The following RIPPLY1 variants were observed in gnomAD, a reference collection of about 807,000 sequenced individuals.
RIPPLY1 encodes protein ripply1.
Under a neutral mutation model 8.7 loss-of-function variants are expected in RIPPLY1, and 10 were observed. That is an observed-to-expected ratio of 1.15 (90% CI 0.71 to 1.94). The LOEUF (loss-of-function observed/expected upper bound fraction) is 1.94, where lower values mean the gene tolerates loss of function less well. Among genes scored for constraint, RIPPLY1 ranks in the 30% most tolerant of loss-of-function variants. RIPPLY1 has a pLI of 0.00. For synonymous variants in RIPPLY1, 54 were observed against 44.8 expected, an observed-to-expected ratio of 1.20 and a Z score of -0.82; for missense variants, 118 against 108.7, an observed-to-expected ratio of 1.09 and a Z score of -0.38.
At position 106,901,550 on chromosome X, in the gene RIPPLY1, A is replaced by G. The variant is rs751427848; in HGVS notation, c.232-12T>C. ...GCCCCACCAGCAGCCTGTCCAAAGC[A>G]AAAGCTAGCATGTGGCTCAAAGTAC... On this transcript the variant is annotated splice_polypyrimidine_tract_variant and intron_variant, in intron 2 of 3. Coordinates refer to ENST00000276173, the MANE Select transcript of RIPPLY1 (RefSeq NM_138382.3). 2 of 1,209,457 alleles carry G rather than the reference A, an allele frequency of 1.7e-6. No individual in the cohort carries two copies. The highest frequency in any genetic ancestry group is 1.1e-6 in the Non-Finnish European group (1 of 893,586).
chrX:106,901,577 T>C (rs1933095559), intron 2 of RIPPLY1, 39 bp from the exon 3 acceptor site: 3 of 1,173,442 alleles, frequency 2.6e-6, no homozygotes, highest in Non-Finnish European at 2.3e-6. Context: ...TCAAAGTACA[T>C]GGCTAGATAA....
chrX:106,901,043 A>T, intron 3 of RIPPLY1, 135 bp from the exon 4 acceptor site: 2 of 1,020,862 alleles, frequency 2.0e-6, no homozygotes, highest in South Asian at 2.8e-5. Flanking sequence ...GGAAGAAAGA[A>T]AGTTTTGTAA....
At chrX:106,901,635 T>C in intron 2 of RIPPLY1, 97 bp from the exon 3 acceptor site, 2 of 883,331 alleles carry the variant, frequency 2.3e-6, no homozygotes, top group Non-Finnish European at 3.3e-6. Flanking sequence ...AAAATGATCT[T>C]GAAGAGACCT....
intron 3 of RIPPLY1, 95 bp downstream of exon 3, chrX:106,901,379 C>A (rs1933091214): frequency 3.5e-6 from 3 of 848,645 alleles, no homozygotes; most frequent in Non-Finnish European, 5.2e-6. Flanking sequence ...TCATAGATAG[C>A]AATTCCTCCC....
At position 106,901,931 on chromosome X, in the gene RIPPLY1, C is replaced by T. The variant is rs1933105886; in HGVS notation, c.231+209G>A. Among the ~76,000 whole-genome samples the T allele has an allele frequency of 8.9e-6, 1 of 112,045 alleles. No individual in the cohort carries two copies. Among genetic ancestry groups the T allele is most frequent in the Non-Finnish European group, 1.9e-5 (1 of 53,177 alleles). On this transcript the variant is annotated intron_variant, in intron 2 of 3. Transcript: ENST00000276173. ...TGTGGGGCCTGCCCAGATCCCTTGC[C>T]CACTCTGAGCTTTGGTCTCCTCATC... is the stretch of plus-strand genomic sequence containing the variant.
intron 3 of RIPPLY1, 133 bp from the exon 4 acceptor site, chrX:106,901,041 G>A: frequency 9.7e-7 from 1 of 1,031,631 alleles, no homozygotes; most frequent in South Asian, 2.7e-5. Flanking sequence ...AAGGAAGAAA[G>A]AAAGTTTTGT....
At position 106,900,527 on chromosome X, in the gene RIPPLY1, G is replaced by C. The variant is rs763060387; in HGVS notation, c.*222C>G. The C allele has an allele frequency of 2.0e-6, 1 of 505,208 alleles. No individual in the cohort carries two copies. Among genetic ancestry groups the C allele is most frequent in the Non-Finnish European group, 3.0e-6 (1 of 336,803 alleles). 41.6% of individuals were successfully genotyped at this position (505,208 alleles called of 1,213,427 possible). A position where few individuals can be genotyped will look rare whatever the true frequency, so the allele number is the denominator to read the frequency against. ...CAGGTAAGCCAGGGTGAGCTGGGCA[G>C]CTAGATGACCCAATTTTCAGTCCAG... is the stretch of plus-strand genomic sequence containing the variant. On this transcript the variant is annotated 3_prime_UTR_variant, in exon 4 of 4. Transcript: ENST00000276173.
chrX:106,900,680 A>C lies in RIPPLY1; in HGVS notation c.*69T>G. On this transcript the variant is annotated 3_prime_UTR_variant, in exon 4 of 4. Coordinates refer to ENST00000276173, the MANE Select transcript of RIPPLY1 (RefSeq NM_138382.3). ...AGGTTAGGGGTGAGGAAGGGGGATG[A>C]GCTGTGGCGCTGTAGGGTATGGACC... 8.8e-7 allele frequency: 1 copy of C among 1,139,066 alleles called. No individual in the cohort carries two copies. The highest frequency in any genetic ancestry group is 1.8e-5 in the African/African-American group (1 of 55,767). The allele number at this position is 1,139,066 out of a possible 1,213,427, so 93.9% of individuals were successfully genotyped here.
At chrX:106,902,526 T>C (rs1933118425) in intron 1 of RIPPLY1, among the ~76,000 whole-genome samples, 1 of 111,987 alleles carries the variant, frequency 8.9e-6, no homozygotes, top group Admixed American at 9.4e-5. Context: ...GCTGTTTCAG[T>C]AAATGTTTGT....
At chrX:106,901,833 G>C (rs953528418) in intron 2 of RIPPLY1, among the ~76,000 whole-genome samples, 1 of 111,470 alleles carries the variant, frequency 9.0e-6, no homozygotes, top group Non-Finnish European at 1.9e-5. Context: ...CAGGGAGATC[G>C]GGTGGGTGGG....
chrX:106,901,195 T>C (rs1263267462), intron 3 of RIPPLY1, among the ~76,000 whole-genome samples: 1 of 112,148 alleles, frequency 8.9e-6, no homozygotes, highest in Non-Finnish European at 1.9e-5. Context: ...AGAAAGCTTC[T>C]AGCCAAGAAT....
At chrX:106,903,048 G>A (rs1245642432) in intron 1 of RIPPLY1, 85 bp downstream of exon 1, 19 of 1,044,456 alleles carry the variant, frequency 1.8e-5, no homozygotes, top group Non-Finnish European at 2.7e-6. Context: ...CAGAGAACAG[G>A]GTGCCCTGGA....
Position 106,903,252 on chromosome X carries a change from AG to A in RIPPLY1, c.35del (p.Pro12LeufsTer9). ...DSAACAAAATPVPALALALAP... is the reference protein window; with the variant it reads ...DSAACAAAATXVPALALALAP... ...CTAGGGCCAAAGCCAGGGCTGGAAC[AG>A]GGGTGGCAGCAGCAGCACAGGCAGC... On this transcript the variant is annotated frameshift_variant, in exon 1 of 4. Coordinates refer to ENST00000276173, the MANE Select transcript of RIPPLY1 (RefSeq NM_138382.3). LOFTEE classifies it high-confidence loss of function. 1 of 1,208,950 alleles carries A rather than the reference AG, an allele frequency of 8.3e-7. No individual in the cohort carries two copies. Among genetic ancestry groups the A allele is most frequent in the Non-Finnish European group, 1.1e-6 (1 of 893,723 alleles).
intron 3 of RIPPLY1, among the ~76,000 whole-genome samples, chrX:106,901,241 G>T (rs1238879917): frequency 8.9e-6 from 1 of 111,994 alleles, no homozygotes; most frequent in Admixed American, 9.4e-5. Context: ...TTCCACTGAG[G>T]ATTATTTCAC....
chrX:106,902,197 C>T lies in RIPPLY1; in HGVS notation c.174G>A (p.Arg58=). 1 of 1,184,480 alleles carries T rather than the reference C, an allele frequency of 8.4e-7. No homozygotes were observed. The highest frequency in any genetic ancestry group is 1.9e-5 in the South Asian group (1 of 53,479). ...AGTCATTTGTGGAAGACAGCCAGGGCCTCCAGAGACAAGTTCCTCTGGGAC... is the reference window on the plus strand; with the variant it reads ...AGTCATTTGTGGAAGACAGCCAGGGTCTCCAGAGACAAGTTCCTCTGGGAC... ...NGSERGTCLW[R]PWLSSTNDSP... is the part of the protein sequence containing the mutation. The change falls in exon 2 of 4, where the codon AGG becomes AGA. Residue 58 remains arginine, a synonymous_variant. Coordinates refer to ENST00000276173, the MANE Select transcript of RIPPLY1 (RefSeq NM_138382.3).
Position 106,900,855 on chromosome X carries a change from A to G in RIPPLY1, c.350T>C (p.Ile117Thr). The change falls in exon 4 of 4, where the codon ATT (isoleucine) becomes ACT (threonine). Residue 117 changes from isoleucine to threonine, a missense_variant. By Grantham distance (89) the Ile-to-Thr change is moderately conservative. Coordinates refer to ENST00000276173, the MANE Select transcript of RIPPLY1 (RefSeq NM_138382.3). ...SFDYLYSAGE[I>T]LLQNFPVQAT... ...CTGGACAGGAAAGTTCTGCAGTAAA[A>G]TCTCCCCAGCACTGTACAGATAGTC... The G allele has an allele frequency of 8.3e-7, 1 of 1,210,918 alleles. No homozygotes were observed. Among genetic ancestry groups the G allele is most frequent in the Non-Finnish European group, 1.1e-6 (1 of 895,255 alleles).
chrX:106,901,163 G>A (rs1933087587), intron 3 of RIPPLY1, among the ~76,000 whole-genome samples: 1 of 112,161 alleles, frequency 8.9e-6, no homozygotes, highest in Non-Finnish European at 1.9e-5. Flanking sequence ...TTATGGCTCT[G>A]ACTCCACCTG....
Position 106,900,460 on chromosome X carries a change from C to G in RIPPLY1, c.*289G>C, listed in dbSNP as rs1224201109. The G allele has an allele frequency of 3.7e-6, 1 of 271,307 alleles. No individual in the cohort carries two copies. The highest frequency in any genetic ancestry group is 7.2e-5 in the East Asian group (1 of 13,980). The allele number at this position is 271,307 out of a possible 1,213,427, so 22.4% of individuals were successfully genotyped here. ...CCTCCCATGGTCAACACAACAGCAG[C>G]CCAGACAATGAGATGCAAGAGGCCT... On this transcript the variant is annotated 3_prime_UTR_variant, in exon 4 of 4. Coordinates refer to ENST00000276173, the MANE Select transcript of RIPPLY1 (RefSeq NM_138382.3).
chrX:106,901,705 G>A (rs984598288), intron 2 of RIPPLY1, among the ~76,000 whole-genome samples, 167 bp from the exon 3 acceptor site: 6 of 111,623 alleles, frequency 5.4e-5, no homozygotes, highest in Non-Finnish European at 7.5e-5. Context: ...GGTCTCTCTT[G>A]GTTCTGGTTG....
Sources: gnomAD v4.1 joint callset for allele counts (sites outside exome capture counted in the v4.1 genomes callset) on GRCh38, gnomAD v4.1.1 for gene constraint, MANE v1.5 for transcripts, NCBI Gene and HGNC (gene_info 2026-07-23, HGNC 2026-07-21) for gene names.